Variants in DNM3 observed in about 807,000 individuals in gnomAD.
DNM3 encodes the protein dynamin 3, also known as dynamin-3.
DNM3 carries 47 observed loss-of-function variants against 101.6 expected under a neutral mutation model. That is an observed-to-expected ratio of 0.46 (90% CI 0.37 to 0.59). DNM3 has a LOEUF of 0.59. DNM3 is among the 20% of genes least tolerant of loss of function. The pLI is 0.00. For missense variants in DNM3, 849 were observed against 1,085.7 expected (o/e 0.78, Z 3.06); for synonymous variants, 385 against 387.9 (o/e 0.99, Z 0.09).
chr1:171,930,371 A>T (rs962616678), intron 2 of DNM3, among the ~76,000 whole-genome samples: 1 of 152,018 alleles, frequency 6.6e-6, no homozygotes, highest in Non-Finnish European at 1.5e-5. Context: ...AGCCCCCTGG[A>T]TTCAGCCTCT....
At chr1:172,088,471 A>C (rs1467335487) in intron 12 of DNM3, among the ~76,000 whole-genome samples, 4 of 152,108 alleles carry the variant, frequency 2.6e-5, no homozygotes, top group African/African-American at 9.7e-5. Context: ...AGAAACATGG[A>C]ATGTTTTCTG....
rs1051506733 is a variant in DNM3, at chr1:172,308,759, C to G, written c.1801C>G (p.Leu601Val). The G allele has an allele frequency of 1.9e-6, 3 of 1,606,108 alleles. No individual in the cohort carries two copies. Among genetic ancestry groups the G allele is most frequent in the Non-Finnish European group, 2.5e-6 (3 of 1,176,764 alleles). The part of the protein sequence containing the change: ...NVYKDYRFLE[L>V]ACDSQEDVDS... ...ATACAAAGACTATCGCTTCCTTGAG[C>G]TGGCATGTGATTCCCAGGAGGATGT... Residue 601 changes from leucine (L) to valine (V), a missense_variant, in exon 16 of 21, where the codon CTG becomes GTG. Leu to Val is a conservative substitution (Grantham distance 32, BLOSUM62 1). This residue lies in a region of DNM3 where 193 missense variants were observed against 238.4 expected (regional missense o/e 0.81). Coordinates refer to ENST00000627582, the MANE Select transcript of DNM3 (RefSeq NM_015569.5).
chr1:172,275,147 G>T (rs2063231966), intron 15 of DNM3, among the ~76,000 whole-genome samples: 1 of 151,872 alleles, frequency 6.6e-6, no homozygotes, highest in African/African-American at 2.4e-5. Context: ...TGGTAGTGTG[G>T]GCTCATCAGG....
intron 1 of DNM3, among the ~76,000 whole-genome samples, chr1:171,860,720 G>A (rs2034088072): frequency 6.6e-6 from 1 of 152,072 alleles, no homozygotes; most frequent in Admixed American, 6.6e-5. Context: ...TTTGATTAGG[G>A]AGTGGCAGTG....
chr1:172,207,826 A>T (rs2060374338), intron 14 of DNM3, among the ~76,000 whole-genome samples: 1 of 152,212 alleles, frequency 6.6e-6, no homozygotes, highest in East Asian at 1.9e-4. Flanking sequence ...TTAAAAAATC[A>T]CCTTAATATA....
intron 20 of DNM3, among the ~76,000 whole-genome samples, chr1:172,394,871 G>A (rs1471988392): frequency 6.6e-6 from 1 of 151,946 alleles, no homozygotes; most frequent in Non-Finnish European, 1.5e-5. Flanking sequence ...AAAGAAAGGG[G>A]GGTTTAAAAA....
At chr1:171,961,245 G>A (rs563899500) in intron 2 of DNM3, among the ~76,000 whole-genome samples, 1 of 152,214 alleles carries the variant, frequency 6.6e-6, no homozygotes, top group African/African-American at 2.4e-5. Context: ...ATGACCAGCA[G>A]TGCACTCCAG....
intron 13 of DNM3, among the ~76,000 whole-genome samples, chr1:172,095,804 A>T (rs1294025918): frequency 6.6e-6 from 1 of 152,218 alleles, no homozygotes; most frequent in Non-Finnish European, 1.5e-5. Context: ...TGCTTTGTTT[A>T]TGTCTGCCTA....
At chr1:172,217,832 T>C (rs906013095) in intron 14 of DNM3, among the ~76,000 whole-genome samples, 51 of 152,102 alleles carry the variant, frequency 3.4e-4, no homozygotes, top group African/African-American at 1.2e-3. Context: ...AATGAGTGCA[T>C]TTGGAAAAAT....
intron 2 of DNM3, among the ~76,000 whole-genome samples, chr1:171,969,791 T>C (rs546635802): frequency 6.6e-6 from 1 of 152,230 alleles, no homozygotes; most frequent in African/African-American, 2.4e-5. Context: ...CTAATAAATA[T>C]ATGGTCTTAT....
intron 17 of DNM3, among the ~76,000 whole-genome samples, chr1:172,368,008 T>C (rs1039127485): frequency 6.6e-6 from 1 of 151,844 alleles, no homozygotes; most frequent in Non-Finnish European, 1.5e-5. Context: ...GCTGCTGCCA[T>C]GTGAGGAGGG....
intron 2 of DNM3, among the ~76,000 whole-genome samples, chr1:171,946,883 C>T (rs995329122): frequency 5.9e-5 from 9 of 152,110 alleles, no homozygotes; most frequent in African/African-American, 2.4e-5. Flanking sequence ...GGGGAACTCT[C>T]ATGGGAACTG....
At chr1:172,086,273 C>T (rs1474443716) in intron 12 of DNM3, among the ~76,000 whole-genome samples, 3 of 152,138 alleles carry the variant, frequency 2.0e-5, no homozygotes, top group Non-Finnish European at 4.4e-5. Context: ...GGAGGAGAAA[C>T]GGACATTGTT....
At chr1:172,360,181 A>G (rs568732395) in intron 17 of DNM3, among the ~76,000 whole-genome samples, 1 of 152,160 alleles carries the variant, frequency 6.6e-6, no homozygotes, top group African/African-American at 2.4e-5. Context: ...TAAATAACTC[A>G]TTTAGCTATC....
chr1:172,345,271 A>T (rs1317922733), intron 17 of DNM3, among the ~76,000 whole-genome samples: 1 of 152,234 alleles, frequency 6.6e-6, no homozygotes, highest in African/African-American at 2.4e-5. Context: ...CACAGTTAAA[A>T]ATATTTAGTT....
intron 14 of DNM3, among the ~76,000 whole-genome samples, chr1:172,166,009 C>A (rs981971627): frequency 1.3e-5 from 2 of 151,960 alleles, no homozygotes; most frequent in African/African-American, 4.8e-5. Flanking sequence ...TTCCCCCTGG[C>A]CAGCTTAGAG....
At position 172,131,168 on chromosome 1, in the gene DNM3, T is replaced by C. The variant is rs569789251; in HGVS notation, c.1546-7T>C. ...AAACACCTCTGCTGATTTCTGCTTTTTCGTAGGTGATTCGCAAGGGGTGGC... is the reference window on the plus strand; with the variant it reads ...AAACACCTCTGCTGATTTCTGCTTTCTCGTAGGTGATTCGCAAGGGGTGGC... On this transcript the variant is annotated splice_polypyrimidine_tract_variant and splice_region_variant and intron_variant, in intron 13 of 20. Coordinates refer to ENST00000627582, the MANE Select transcript of DNM3 (RefSeq NM_015569.5). 3.1e-4 allele frequency: 499 copies of C among 1,613,024 alleles called. 6 individuals are homozygous for C. In the South Asian group the frequency reaches 5.3e-3, roughly 17 times the overall value.
chr1:171,848,978 A>G (rs2032575229), intron 1 of DNM3, among the ~76,000 whole-genome samples: 1 of 152,128 alleles, frequency 6.6e-6, no homozygotes, highest in African/African-American at 2.4e-5. Context: ...CTTCTTTGTG[A>G]CAGTGTGTCA....
chr1:172,372,425 C>A (rs189171084), intron 17 of DNM3, among the ~76,000 whole-genome samples: 12 of 151,866 alleles, frequency 7.9e-5, no homozygotes, highest in African/African-American at 2.9e-4. Flanking sequence ...ATTTTTAATT[C>A]ATCTTTTATC....
Sources: allele counts gnomAD v4.1 joint callset (sites outside exome capture counted in the v4.1 genomes callset), GRCh38; gene constraint gnomAD v4.1.1; regional missense constraint gnomAD v4.1.1; transcripts MANE v1.5; gene names NCBI Gene and HGNC (gene_info 2026-07-23, HGNC 2026-07-21).